Variants in EPC1 observed in about 807,000 individuals in gnomAD.
EPC1 encodes the protein enhancer of polycomb homolog 1.
In EPC1, 12 loss-of-function variants were observed where a neutral mutation model predicts 98.4. The ratio of observed to expected loss-of-function variants is 0.12; its 90% CI spans 0.08 to 0.20. EPC1 has a LOEUF of 0.20. EPC1 is among the 10% of genes least tolerant of loss of function. EPC1 has a pLI of 1.00. For synonymous variants in EPC1, 357 were observed against 363.9 expected (o/e 0.98, Z 0.21); for missense variants, 729 against 990.5 (o/e 0.74, Z 3.54).
At chr10:32,376,843 T>G (rs1258040241) in intron 1 of EPC1, among the ~76,000 whole-genome samples, 1 of 152,184 alleles carries the variant, frequency 6.6e-6, no homozygotes, top group African/African-American at 2.4e-5. Context: ...GTGTACTATT[T>G]CAGTTGTTTT....
chr10:32,273,891 T>C (rs1433940833), intron 10 of EPC1: 2 of 152,020 alleles, frequency 1.3e-5, no homozygotes, highest in African/African-American at 2.4e-5. Context: ...AATGTTAAGG[T>C]TAATTAATTT....
chr10:32,302,012 G>A (rs111245373), intron 2 of EPC1, among the ~76,000 whole-genome samples: 3,042 of 152,204 alleles, frequency 0.02, 109 homozygotes, highest in African/African-American at 0.07. Flanking sequence ...GGTGGCTCAC[G>A]CCTGTAATCC....
At chr10:32,346,157 G>A (rs559891453) in intron 1 of EPC1, among the ~76,000 whole-genome samples, 5 of 152,358 alleles carry the variant, frequency 3.3e-5, no homozygotes, top group South Asian at 4.1e-4. Flanking sequence ...TCCTTGCAGA[G>A]GGGGAGAAAA....
Position 32,365,893 on chromosome 10 carries a change from G to C in EPC1, c.3+12598C>G, listed in dbSNP as rs561656310. ...TCAAACATGTAATCCCAGCGCTTTG[G>C]GGGGCCGAGATGGGTGGATCACCTG... On this transcript the variant is annotated intron_variant, in intron 1 of 13. Coordinates refer to the EPC1 transcript ENST00000375110. Among the ~76,000 whole-genome samples, 14 of 150,892 alleles carry C rather than the reference G, an allele frequency of 9.3e-5. No individual in the cohort carries two copies. The South Asian group carries it at 2.3e-3, about 25-fold the overall frequency.
At chr10:32,331,683 G>A (rs1564551079) in intron 1 of EPC1, among the ~76,000 whole-genome samples, 1 of 152,136 alleles carries the variant, frequency 6.6e-6, no homozygotes, top group African/African-American at 2.4e-5. Context: ...ACCTCAGATT[G>A]TTTTATTTAC....
chr10:32,373,875 A>G (rs1366223843), intron 1 of EPC1, among the ~76,000 whole-genome samples: 1 of 152,174 alleles, frequency 6.6e-6, no homozygotes, highest in East Asian at 1.9e-4. Flanking sequence ...TAGTTGAAAA[A>G]CTAATGTCCT....
chr10:32,349,274 A>C (rs1383294372), upstream of EPC1, among the ~76,000 whole-genome samples: 1 of 152,254 alleles, frequency 6.6e-6, no homozygotes, highest in African/African-American at 2.4e-5. Flanking sequence ...TTCTACCCTC[A>C]TTAAAATAAC....
intron 1 of EPC1, 73 bp downstream of exon 1, chr10:32,346,690 C>G (rs1294108777): frequency 6.8e-7 from 1 of 1,468,860 alleles, no homozygotes; most frequent in Non-Finnish European, 9.4e-7. Context: ...TGTGGGTTTG[C>G]TGCTCCGCCG....
rs558608283 is a variant in EPC1, at chr10:32,328,738, G to A, written c.153+18025C>T. On this transcript the variant is annotated intron_variant, in intron 1 of 13. Transcript: ENST00000319778. ...CCCTTGTCACACGGGGCTGTGGGGG[G>A]ATTTCTGAATGGCGGTGGGATGGGG... 7.2e-5 allele frequency among the ~76,000 whole-genome samples: 11 copies of A among 152,280 alleles called. No individual in the cohort carries two copies. The South Asian group carries it at 2.1e-3, about 29-fold the overall frequency.
At chr10:32,298,694 T>A (rs1835314670) in intron 2 of EPC1, among the ~76,000 whole-genome samples, 2 of 152,236 alleles carry the variant, frequency 1.3e-5, no homozygotes, top group Non-Finnish European at 2.9e-5. Context: ...TTGGGGTCAC[T>A]TCCAGAATGT....
At chr10:32,308,385 C>CA (rs35441939) in intron 1 of EPC1, among the ~76,000 whole-genome samples, 101,987 of 148,190 alleles carry the variant, frequency 0.69, 34,867 homozygotes, top group Middle Eastern at 0.77. Context: ...GCAACAGTCT[C>CA]AAAAAAAAAA....
At chr10:32,277,915 G>A (rs1836183326) in intron 10 of EPC1, among the ~76,000 whole-genome samples, 1 of 152,012 alleles carries the variant, frequency 6.6e-6, no homozygotes, top group Non-Finnish European at 1.5e-5. Context: ...CCATGGTATG[G>A]TACACCAGCA....
intron 1 of EPC1, among the ~76,000 whole-genome samples, chr10:32,335,225 C>A (rs1424194026): frequency 1.3e-5 from 2 of 152,084 alleles, no homozygotes; most frequent in Non-Finnish European, 2.9e-5. Flanking sequence ...TTCTTTGTAA[C>A]CATTATCAAC....
intron 1 of EPC1, among the ~76,000 whole-genome samples, chr10:32,330,246 G>A (rs182150536): frequency 6.6e-6 from 1 of 152,308 alleles, no homozygotes; most frequent in East Asian, 1.9e-4. Flanking sequence ...TTAGGCAAGA[G>A]ATGGCAATAC....
At chr10:32,303,638 T>C (rs1313433344) in intron 2 of EPC1, among the ~76,000 whole-genome samples, 1 of 152,118 alleles carries the variant, frequency 6.6e-6, no homozygotes, top group Non-Finnish European at 1.5e-5. Context: ...GGTCAGGGGA[T>C]GGGGAGAGGC....
chr10:32,378,659 G>T (rs1202472871), exon 1 of EPC1: 3 of 486,532 alleles, frequency 6.2e-6, no homozygotes, highest in Non-Finnish European at 1.1e-5. Flanking sequence ...ATCGGTGGCC[G>T]AATGGGGTGG....
At chr10:32,292,674 T>C in intron 4 of EPC1, 30 bp from the exon 5 acceptor site, 1 of 1,588,806 alleles carries the variant, frequency 6.3e-7, no homozygotes, top group African/African-American at 1.4e-5. Flanking sequence ...TGTTTAATGT[T>C]AGTAAGTATT....
chr10:32,343,988 A>C (rs1838566724), intron 1 of EPC1, among the ~76,000 whole-genome samples: 1 of 152,224 alleles, frequency 6.6e-6, no homozygotes, highest in South Asian at 2.1e-4. Context: ...ATAGGACTAC[A>C]TACTTTTTTT....
At chr10:32,368,595 T>A (rs1218574714) in intron 1 of EPC1, among the ~76,000 whole-genome samples, 1 of 152,230 alleles carries the variant, frequency 6.6e-6, no homozygotes, top group Non-Finnish European at 1.5e-5. Flanking sequence ...CAATAAAGAT[T>A]TATTTAATGA....
Sources: gnomAD v4.1 joint callset for allele counts (sites outside exome capture counted in the v4.1 genomes callset) on GRCh38, gnomAD v4.1.1 for gene constraint, MANE v1.5 for transcripts, NCBI Gene and HGNC (gene_info 2026-07-23, HGNC 2026-07-21) for gene names.